The following NDE1 variants were observed in gnomAD, a reference collection of about 807,000 sequenced individuals.
The protein encoded by NDE1 is nuclear distribution protein nudE homolog 1.
NDE1 carries 28 observed loss-of-function variants against 43.4 expected under a neutral mutation model. The observed-to-expected ratio is 0.65, with a 90% CI of 0.48 to 0.89. NDE1 has a LOEUF of 0.89. Among genes scored for constraint, NDE1 ranks in the 40% least tolerant of loss-of-function variants. NDE1 has a pLI of 0.00. For missense variants in NDE1, 441 were observed against 434.1 expected (o/e 1.02, Z -0.14); for synonymous variants, 184 against 172.0 (o/e 1.07, Z -0.55).
chr16:15,699,939 T>C, intron 8 of NDE1: 2 of 1,224,640 alleles, frequency 1.6e-6, no homozygotes, highest in Non-Finnish European at 2.1e-6. Flanking sequence ...GTCACCATAG[T>C]TAGTTAGCTT....
intron 8 of NDE1, chr16:15,708,974 T>G (rs2039625626): frequency 1.0e-6 from 1 of 975,234 alleles, no homozygotes; most frequent in Non-Finnish European, 1.6e-6. Context: ...TTTGAGATAG[T>G]CTCTGTCACC....
intron 3 of NDE1, among the ~76,000 whole-genome samples, chr16:15,672,108 CA>C (rs1174988359): frequency 6.6e-6 from 1 of 151,990 alleles, no homozygotes; most frequent in Non-Finnish European, 1.5e-5. Flanking sequence ...AGTAAAATAT[CA>C]AGAGAATTAC....
At chr16:15,662,659 C>T (rs2037108826) in intron 1 of NDE1, among the ~76,000 whole-genome samples, 1 of 152,138 alleles carries the variant, frequency 6.6e-6, no homozygotes, top group Non-Finnish European at 1.5e-5. Context: ...TCACCGCAAC[C>T]TCTGCCTCCT....
In NDE1 at chr16:15,687,497, A is replaced by G; in HGVS notation, c.509A>G (p.Lys170Arg). ...CTCCTGGAATCTGTTCAGAGACTGA[A>G]GGATGAAGCCAGAGGTCAGGAGGCC... ...ENLLESVQRL[K>R]DEARDLRQEL... Residue 170 changes from lysine (K) to arginine (R), a missense_variant, in exon 5 of 9, where the codon AAG becomes AGG. Coordinates refer to ENST00000396354, the MANE Select transcript of NDE1 (RefSeq NM_017668.3). The G allele has an allele frequency of 6.2e-7, 1 of 1,614,084 alleles. No individual in the cohort carries two copies. Among genetic ancestry groups the G allele is most frequent in the South Asian group, 1.1e-5 (1 of 91,090 alleles).
intron 1 of NDE1, chr16:15,652,200 A>G (rs913195967): frequency 2.6e-5 from 4 of 152,108 alleles, no homozygotes; most frequent in African/African-American, 9.7e-5. Flanking sequence ...ACCCGACTCT[A>G]TCATTATTAT....
intron 3 of NDE1, among the ~76,000 whole-genome samples, chr16:15,669,364 T>G (rs2037475894): frequency 1.3e-5 from 2 of 148,542 alleles, no homozygotes; most frequent in African/African-American, 2.5e-5. Context: ...TGGCTAATTT[T>G]TTTTTTTTTT....
chr16:15,714,356 C>A (rs2039992901), intron 8 of NDE1: 1 of 167,578 alleles, frequency 6.0e-6, no homozygotes, highest in Admixed American at 5.6e-5. Context: ...TGTCACATTG[C>A]AGGGTGGTGG....
intron 3 of NDE1, among the ~76,000 whole-genome samples, chr16:15,672,324 TC>T (rs1223962871): frequency 8.6e-5 from 13 of 151,972 alleles, no homozygotes; most frequent in Admixed American, 7.9e-4. Context: ...TCCCAGCTAC[TC>T]GGGGGCTGAG....
At chr16:15,669,832 C>T (rs1484930886) in intron 3 of NDE1, among the ~76,000 whole-genome samples, 1 of 152,164 alleles carries the variant, frequency 6.6e-6, no homozygotes, top group Non-Finnish European at 1.5e-5. Context: ...TGGCCTCCAC[C>T]CTCTAGATGC....
chr16:15,708,695 G>C (rs2272557), intron 8 of NDE1: 1 of 1,211,182 alleles, frequency 8.3e-7, no homozygotes, highest in Non-Finnish European at 1.2e-6. Context: ...CAAGAATCTC[G>C]TGGAAATGTG....
intron 8 of NDE1, chr16:15,718,562 G>A (rs1450507155): frequency 1.5e-6 from 2 of 1,358,180 alleles, no homozygotes; most frequent in South Asian, 1.4e-5. Flanking sequence ...GAGGCTTGGA[G>A]AAGATTAGAA....
intron 6 of NDE1, 48 bp downstream of exon 6, chr16:15,691,371 C>T: frequency 6.3e-7 from 1 of 1,593,812 alleles, no homozygotes; most frequent in Non-Finnish European, 8.6e-7. Flanking sequence ...CAAAGTGTTT[C>T]TGGGTAAGAA....
chr16:15,665,564 T>G lies in NDE1; in HGVS notation c.83+703T>G, dbSNP rs2037259158. Among the ~76,000 whole-genome samples the G allele has an allele frequency of 2.6e-5, 4 of 151,724 alleles. No individual in the cohort carries two copies. In the South Asian group the frequency reaches 8.3e-4, roughly 32 times the overall value. On this transcript the variant is annotated intron_variant, in intron 2 of 8. Transcript: ENST00000396354. ...GTTGAAGCAATTCTCGTGCCTCAGC[T>G]TCTCGAGTAGCTGGAATTACAGGCA...
intron 8 of NDE1, chr16:15,720,035 C>T (rs1021492748): frequency 2.8e-6 from 4 of 1,406,202 alleles, no homozygotes; most frequent in Admixed American, 3.4e-5. Context: ...CCCAGCTGAA[C>T]CCACACCAAT....
intron 6 of NDE1, among the ~76,000 whole-genome samples, chr16:15,693,711 G>A (rs1209669535): frequency 1.3e-5 from 2 of 152,116 alleles, no homozygotes; most frequent in East Asian, 1.9e-4. Flanking sequence ...AGGCCAAGGC[G>A]GGCAGATCAT....
At chr16:15,722,824 T>C (rs1281659592) in intron 8 of NDE1, among the ~76,000 whole-genome samples, 4 of 152,132 alleles carry the variant, frequency 2.6e-5, no homozygotes, top group African/African-American at 9.7e-5. Context: ...CACTGCAACC[T>C]CCACCCCACC....
At position 15,720,917 on chromosome 16, in the gene NDE1, C is replaced by T. The variant is rs141198584; in HGVS notation, c.948-3274C>T. On this transcript the variant is annotated intron_variant, in intron 8 of 8. Coordinates refer to ENST00000396354, the MANE Select transcript of NDE1 (RefSeq NM_017668.3). Reference sequence around the variant, plus strand: ...GATCCCTTTCGAACTGGCCCTTGAGCGCCTGCATGTTGACTTCCAGCCGCA... The same window carrying T: ...GATCCCTTTCGAACTGGCCCTTGAGTGCCTGCATGTTGACTTCCAGCCGCA... The T allele has an allele frequency of 8.7e-6, 14 of 1,613,878 alleles. No homozygotes were observed. The highest frequency in any genetic ancestry group is 5.0e-5 in the Admixed American group (3 of 59,968).
At chr16:15,712,939 T>C (rs1430231801) in intron 8 of NDE1, 2 of 145,484 alleles carry the variant, frequency 1.4e-5, no homozygotes, top group Non-Finnish European at 3.0e-5. Flanking sequence ...CTGCAACCTC[T>C]CTCTCCCGGT....
chr16:15,655,989 G>A (rs2036744881), intron 1 of NDE1, among the ~76,000 whole-genome samples: 1 of 116,782 alleles, frequency 8.6e-6, no homozygotes, highest in Non-Finnish European at 1.7e-5. Flanking sequence ...TGGGGTGGGG[G>A]GAGGGGGGAG....
Sources: allele counts gnomAD v4.1 joint callset (sites outside exome capture counted in the v4.1 genomes callset), GRCh38; gene constraint gnomAD v4.1.1; transcripts MANE v1.5; gene names NCBI Gene and HGNC (gene_info 2026-07-23, HGNC 2026-07-21).